Variants in ADGRL3 observed in about 807,000 individuals in gnomAD.
ADGRL3 encodes adhesion G protein-coupled receptor L3, also known as calcium-independent alpha-latrotoxin receptor 3.
ADGRL3 carries 62 observed loss-of-function variants against 153.5 expected under a neutral mutation model. The ratio of observed to expected loss-of-function variants is 0.40; its 90% CI spans 0.33 to 0.50. The LOEUF is 0.50. Ranked by LOEUF, ADGRL3 falls within the 20% of genes least tolerant of loss-of-function variation. ADGRL3 has a pLI of 0.47. For missense variants in ADGRL3, 1,641 were observed against 1,859.4 expected (o/e 0.88, Z 2.16); for synonymous variants, 710 against 672.5 (o/e 1.06, Z -0.86).
At chr4:61,504,357 AT>A (rs2098413180) in intron 3 of ADGRL3, among the ~76,000 whole-genome samples, 1 of 151,954 alleles carries the variant, frequency 6.6e-6, no homozygotes, top group Non-Finnish European at 1.5e-5. Context: ...TTTTAAAAAA[AT>A]AATTTTTAAT....
At chr4:61,541,407 T>C (rs890368390) in intron 4 of ADGRL3, among the ~76,000 whole-genome samples, 3 of 150,574 alleles carry the variant, frequency 2.0e-5, no homozygotes, top group African/African-American at 7.4e-5. Flanking sequence ...TTGACTCTTT[T>C]AGCCAGACAT....
chr4:61,813,669 T>A, intron 8 of ADGRL3, 140 bp from the exon 9 acceptor site: 1 of 837,998 alleles, frequency 1.2e-6, no homozygotes, highest in Admixed American at 2.9e-5. Flanking sequence ...ATTGTTTTTA[T>A]GTTTGGGCAG....
At chr4:62,014,012 G>T (rs2099199841) in intron 21 of ADGRL3, among the ~76,000 whole-genome samples, 1 of 151,862 alleles carries the variant, frequency 6.6e-6, no homozygotes, top group African/African-American at 2.4e-5. Context: ...GAAAGTAAAT[G>T]GTCATAGTAT....
chr4:61,524,908 C>T (rs1042354584), intron 4 of ADGRL3, among the ~76,000 whole-genome samples: 7 of 152,008 alleles, frequency 4.6e-5, no homozygotes, highest in Admixed American at 1.3e-4. Flanking sequence ...ATATTTTGGG[C>T]ACATTCAAGG....
At chr4:62,035,267 T>G (rs1340718011) in intron 23 of ADGRL3, among the ~76,000 whole-genome samples, 2 of 152,128 alleles carry the variant, frequency 1.3e-5, no homozygotes, top group Middle Eastern at 3.4e-3. Context: ...GTTCAGAACA[T>G]TTAATCTTTG....
chr4:61,857,726 C>CCT, intron 9 of ADGRL3, among the ~76,000 whole-genome samples: 3 of 123,012 alleles, frequency 2.4e-5, no homozygotes, highest in African/African-American at 1.3e-4. Flanking sequence ...TTTCTTTCTT[C>CCT]TCTCTTTCTT....
At chr4:61,545,371 G>C (rs1363021028) in intron 4 of ADGRL3, among the ~76,000 whole-genome samples, 2 of 152,182 alleles carry the variant, frequency 1.3e-5, no homozygotes, top group African/African-American at 4.8e-5. Flanking sequence ...GATCCACCCA[G>C]AGCTAGGACT....
intron 10 of ADGRL3, among the ~76,000 whole-genome samples, chr4:61,895,407 G>T (rs773597250): frequency 6.6e-6 from 1 of 151,782 alleles, no homozygotes; most frequent in East Asian, 1.9e-4. Context: ...CAGAGGTTGC[G>T]GTGAGCCGAG....
At chr4:61,337,955 G>C (rs2095715038) in intron 1 of ADGRL3, among the ~76,000 whole-genome samples, 1 of 152,060 alleles carries the variant, frequency 6.6e-6, no homozygotes, top group African/African-American at 2.4e-5. Flanking sequence ...TACATTCAGA[G>C]TAGTACTTAG....
chr4:61,717,346 T>A (rs753294970), intron 6 of ADGRL3, among the ~76,000 whole-genome samples: 6 of 152,126 alleles, frequency 3.9e-5, no homozygotes, highest in African/African-American at 4.8e-5. Context: ...GGAATTGTGC[T>A]ACTTCATTTC....
chr4:61,643,397 C>G (rs1209229071), intron 5 of ADGRL3, among the ~76,000 whole-genome samples: 1 of 151,542 alleles, frequency 6.6e-6, no homozygotes, highest in Non-Finnish European at 1.5e-5. Flanking sequence ...CCAGTTTTTG[C>G]CCATTCAGTA....
intron 1 of ADGRL3, among the ~76,000 whole-genome samples, chr4:61,370,913 C>G (rs1490588715): frequency 6.7e-6 from 1 of 150,334 alleles, no homozygotes; most frequent in Admixed American, 6.6e-5. Flanking sequence ...TCTGGGTGCT[C>G]CTGTATTGGG....
intron 19 of ADGRL3, among the ~76,000 whole-genome samples, chr4:61,994,077 A>G (rs2099113285): frequency 1.3e-5 from 2 of 152,174 alleles, no homozygotes; most frequent in African/African-American, 4.8e-5. Flanking sequence ...TAGAGTGCCT[A>G]TTGTACTTCT....
intron 8 of ADGRL3, among the ~76,000 whole-genome samples, chr4:61,767,272 T>G (rs867690333): frequency 7.9e-5 from 12 of 151,962 alleles, no homozygotes; most frequent in Middle Eastern, 3.4e-3. Flanking sequence ...TGTCTCAGCC[T>G]AATAAGGGAA....
chr4:61,986,130 G>A (rs1181092789), intron 19 of ADGRL3, among the ~76,000 whole-genome samples: 2 of 151,154 alleles, frequency 1.3e-5, no homozygotes, highest in East Asian at 1.9e-4. Context: ...TATTTTCATC[G>A]AAACAAAAAA....
At chr4:62,010,658 C>T (rs2099181466) in intron 21 of ADGRL3, among the ~76,000 whole-genome samples, 3 of 151,578 alleles carry the variant, frequency 2.0e-5, no homozygotes, top group African/African-American at 7.3e-5. Flanking sequence ...TAATATGCTA[C>T]TGTGGCTATA....
rs558569576 is a variant in ADGRL3 at position 61,391,201 on chromosome 4, G to A, written c.-174+8012G>A. The stretch of plus-strand genomic sequence containing the variant: ...AGGCTGCACAGGAAGCATGGCCCCG[G>A]CATCTGTTCCTGCTGGGGGCCTCAG... On this transcript the variant is annotated intron_variant, in intron 2 of 26. Transcript: ENST00000683033. 1.6e-3 allele frequency among the ~76,000 whole-genome samples: 237 copies of A among 152,282 alleles called. 3 individuals carry two copies. Among genetic ancestry groups the A allele is most frequent in the Non-Finnish European group, 1.8e-3 (121 of 68,024 alleles).
At chr4:61,759,748 T>G (rs2096886507) in intron 8 of ADGRL3, among the ~76,000 whole-genome samples, 1 of 152,228 alleles carries the variant, frequency 6.6e-6, no homozygotes, top group Admixed American at 6.5e-5. Flanking sequence ...AGAGGCACTC[T>G]GATTTTTAGA....
rs1487382864 is a variant in ADGRL3, at chr4:61,497,231, C to T, written c.-63C>T. ...ATACAGAAGAGAAACTAGAAATATA[C>T]GTATTTTGTTTCACATTTGAACAGT... is the stretch of plus-strand genomic sequence containing the variant. On this transcript the variant is annotated 5_prime_UTR_variant, in exon 3 of 27. It adds an upstream start codon to the 5' untranslated region. Transcript: ENST00000683033. 14 of 904,802 alleles carry T rather than the reference C, an allele frequency of 1.5e-5. No individual in the cohort carries two copies. The highest frequency in any genetic ancestry group is 4.5e-5 in the South Asian group (3 of 66,562). 56.0% of individuals were successfully genotyped at this position (904,802 alleles called of 1,614,324 possible).
Sources: allele counts gnomAD v4.1 joint callset (sites outside exome capture counted in the v4.1 genomes callset), GRCh38; gene constraint gnomAD v4.1.1; transcripts MANE v1.5; gene names NCBI Gene and HGNC (gene_info 2026-07-23, HGNC 2026-07-21).